Variants in ZNF208 observed in about 807,000 individuals in gnomAD.
ZNF208 encodes the protein zinc finger protein 95.
In ZNF208, 10 loss-of-function variants were observed where a neutral mutation model predicts 12.1. The ratio of observed to expected loss-of-function variants is 0.83; its 90% CI spans 0.51 to 1.40. The LOEUF is 1.40. ZNF208 is among the 40% of genes most tolerant of loss of function. The probability of loss-of-function intolerance (pLI) is 0.00; values close to 1 mark genes in which losing one functional copy is unlikely to be tolerated. For missense variants in ZNF208, 1,652 were observed against 1,485.0 expected (o/e 1.11, Z -1.85); for synonymous variants, 497 against 488.4 (o/e 1.02, Z -0.23).
chr19:21,988,406 C>T (rs1172673225), intron 2 of ZNF208, among the ~76,000 whole-genome samples: 1 of 152,120 alleles, frequency 6.6e-6, no homozygotes, highest in Non-Finnish European at 1.5e-5. Context: ...TGTGGGCAAA[C>T]TTGCTTCTGC....
chr19:21,983,437 AAT>A (rs1970580801), intron 3 of ZNF208, among the ~76,000 whole-genome samples: 2 of 152,162 alleles, frequency 1.3e-5, no homozygotes, highest in African/African-American at 4.8e-5. Flanking sequence ...TGTGGAAGAC[AAT>A]GTGGCGATTC....
At position 21,948,152 on chromosome 19, in the gene ZNF208, C is replaced by T. The variant is rs529313471; in HGVS notation, c.306-14915G>A. ...CCCTTTTTCTAGATAGGTAACAAAC[C>T]GTCTACAGTTTGCATTCCCCTCTAG... On this transcript the variant is annotated intron_variant, in intron 4 of 4. Coordinates refer to the ZNF208 transcript ENST00000599916. 2.0e-4 allele frequency among the ~76,000 whole-genome samples: 31 copies of T among 152,262 alleles called. No homozygotes were observed. In the South Asian group the frequency reaches 5.2e-3, roughly 25 times the overall value.
rs755136148 is a variant in ZNF208, at chr19:21,973,627, A to G, written c.1407T>C (p.Thr469=). 3.7e-6 allele frequency: 6 copies of G among 1,612,770 alleles called. No individual in the cohort carries two copies. The African/African-American group carries it at 8.0e-5, about 22-fold the overall frequency. The change falls in exon 4 of 4, where the codon ACT becomes ACC. Residue 469 remains threonine, a synonymous_variant. Transcript: ENST00000397126. ...CTCCATTATGAATTACCTTATGTTT[A>G]GTAAGGATTGAGAACATACTAAAGC... ...GKGFSMFSIL[T]KHKVIHNGEK...
intron 1 of ZNF208, among the ~76,000 whole-genome samples, chr19:21,990,798 G>A (rs1378465202): frequency 2.6e-5 from 4 of 152,078 alleles, no homozygotes; most frequent in Admixed American, 6.6e-5. Flanking sequence ...GTGGTTTGTA[G>A]TTCTCCTTGA....
Position 21,970,706 on chromosome 19 carries a change from C to A in ZNF208, c.*485G>T. ...TCTCATTTGTAGAGTTTCTCTCCAG[C>A]ATGAATTTTCTTATGTGTAGGAGGG... On this transcript the variant is annotated 3_prime_UTR_variant, in exon 4 of 4. Transcript: ENST00000397126. 1.2e-5 allele frequency: 14 copies of A among 1,134,020 alleles called. No homozygotes were observed. The highest frequency in any genetic ancestry group is 1.8e-5 in the Admixed American group (1 of 56,638). The allele number at this position is 1,134,020 out of a possible 1,614,324, so 70.2% of individuals were successfully genotyped here.
rs1970324211 is a variant in ZNF208 at position 21,972,682 on chromosome 19, T to C, written c.2352A>G (p.Lys784=). 4 of 1,590,504 alleles carry C rather than the reference T, an allele frequency of 2.5e-6. No homozygotes were observed. The African/African-American group carries it at 4.1e-5, about 16-fold the overall frequency. ...EKPYKCEECG[K]AFNRSAILIK... The stretch of plus-strand genomic sequence containing the variant: ...TAAGGATTGCAGATCGGTTAAAAGC[T>C]TTGCCACATTCTTCACATTTGTAGG... The change falls in exon 4 of 4, where the codon AAA becomes AAG. Residue 784 remains lysine, a synonymous_variant. Transcript: ENST00000397126.
intron 1 of ZNF208, among the ~76,000 whole-genome samples, chr19:21,991,948 A>T (rs190176267): frequency 1.9e-4 from 29 of 152,048 alleles, no homozygotes; most frequent in African/African-American, 7.0e-4. Flanking sequence ...TAATAAGCTC[A>T]TAAGTATGCC....
chr19:21,989,037 A>C (rs1362435305), intron 1 of ZNF208, 128 bp from the exon 2 acceptor site: 22 of 1,262,156 alleles, frequency 1.7e-5, no homozygotes, highest in Non-Finnish European at 2.3e-5. Context: ...TTATTCAATA[A>C]AATAATTTTT....
chr19:21,973,777 A>C lies in ZNF208; in HGVS notation c.1257T>G (p.His419Gln), dbSNP rs1220351602. 6.2e-7 allele frequency: 1 copy of C among 1,606,196 alleles called. No individual in the cohort carries two copies. Among genetic ancestry groups the C allele is most frequent in the Non-Finnish European group, 8.5e-7 (1 of 1,173,754 alleles). ...FSILTKHEVI[H>Q]TGEKPYKCEE... ...CACATTTGTAGGGTTTCTCTCCAGT[A>C]TGAATGACCTCATGTTTAGTAAGGA... Residue 419 changes from histidine to glutamine, a missense_variant, in exon 4 of 4, where the codon CAT (histidine) becomes CAG (glutamine). Physicochemically the swap from His to Gln is conservative, Grantham distance 24. Around this residue, in one of 3 missense-constraint regions of ZNF208, gnomAD observed 1,239 missense variants for 1,086.2 expected, o/e 1.14. Coordinates refer to ENST00000397126, the MANE Select transcript of ZNF208 (RefSeq NM_007153.3).
chr19:21,970,854 T>C lies in ZNF208; in HGVS notation c.*337A>G, dbSNP rs925539362. ...GAAGGCTTTGCCACTTTCTTCACATTTGTAGGGTTTCTCTCCAGTATGAAT... is the reference window on the plus strand; with the variant it reads ...GAAGGCTTTGCCACTTTCTTCACATCTGTAGGGTTTCTCTCCAGTATGAAT... On this transcript the variant is annotated 3_prime_UTR_variant, in exon 4 of 4. Transcript: ENST00000397126. 1 of 1,504,506 alleles carries C rather than the reference T, an allele frequency of 6.6e-7. No individual in the cohort carries two copies. Among genetic ancestry groups the C allele is most frequent in the Non-Finnish European group, 9.2e-7 (1 of 1,082,990 alleles). 93.2% of individuals were successfully genotyped at this position (1,504,506 alleles called of 1,614,324 possible). A position where few individuals can be genotyped will look rare whatever the true frequency, so the allele number is the denominator to read the frequency against.
intron 3 of ZNF208, 53 bp from the exon 4 acceptor site, chr19:21,974,860 A>G (rs1394571102): frequency 4.8e-6 from 7 of 1,457,040 alleles, no homozygotes; most frequent in African/African-American, 1.4e-5. Flanking sequence ...TCAGATAAAT[A>G]CAGTTTCTAA....
At chr19:21,977,883 C>T (rs566063662) in intron 3 of ZNF208, among the ~76,000 whole-genome samples, 4 of 152,158 alleles carry the variant, frequency 2.6e-5, no homozygotes, top group Admixed American at 1.3e-4. Context: ...CTGGGAAGCT[C>T]GAGCTTGGTG....
rs547803910 is a variant in ZNF208 at position 21,968,740 on chromosome 19, G to T, written c.*2451C>A. 6.8e-6 allele frequency among the ~76,000 whole-genome samples: 1 copy of T among 147,160 alleles called. No homozygotes were observed. Among genetic ancestry groups the T allele is most frequent in the African/African-American group, 2.6e-5 (1 of 39,104 alleles). On this transcript the variant is annotated 3_prime_UTR_variant, in exon 4 of 4. Transcript: ENST00000397126. ...GGTGAAATCCCACCTTGATTTTTTCGAATGCATTCAGTAGGCTTAGGTAAA... is the reference window on the plus strand; with the variant it reads ...GGTGAAATCCCACCTTGATTTTTTCTAATGCATTCAGTAGGCTTAGGTAAA...
Position 21,974,666 on chromosome 19 carries a change from C to A in ZNF208, c.368G>T (p.Cys123Phe), listed in dbSNP as rs146307303. The change falls in exon 4 of 4, where the codon TGT (cysteine) becomes TTT (phenylalanine). Residue 123 changes from cysteine (C) to phenylalanine (F), a missense_variant. Physicochemically the swap from Cys to Phe is radical, Grantham distance 205 (BLOSUM62 -2). Around this residue, in one of 3 missense-constraint regions of ZNF208, gnomAD observed 410 missense variants for 378.2 expected, o/e 1.08. Transcript: ENST00000397126. ...ATTATAACCTTCTTTGTGCACCTTACACTCATCCACATTGGTATAACCAAT... is the reference window on the plus strand; with the variant it reads ...ATTATAACCTTCTTTGTGCACCTTAAACTCATCCACATTGGTATAACCAAT... ...LKIGYTNVDE[C>F]KVHKEGYNKL... 2,251 of 1,613,714 alleles carry A rather than the reference C, an allele frequency of 1.4e-3. 22 individuals are homozygous for A. In the African/African-American group the frequency reaches 0.026, roughly 19 times the overall value.
At chr19:21,979,568 C>G (rs1349152775) in intron 3 of ZNF208, among the ~76,000 whole-genome samples, 2 of 152,260 alleles carry the variant, frequency 1.3e-5, no homozygotes, top group Middle Eastern at 3.4e-3. Context: ...TACAAGAGCT[C>G]CTGAAGGAAG....
At chr19:21,956,086 G>A (rs1394324230) in intron 4 of ZNF208, among the ~76,000 whole-genome samples, 1 of 152,190 alleles carries the variant, frequency 6.6e-6, no homozygotes, top group Non-Finnish European at 1.5e-5. Flanking sequence ...GTCTATTGTA[G>A]TTTGCTGGAG....
chr19:21,957,691 T>C (rs1333808371), intron 4 of ZNF208, among the ~76,000 whole-genome samples: 1 of 152,150 alleles, frequency 6.6e-6, no homozygotes, highest in Admixed American at 6.6e-5. Context: ...CAGATTTCCA[T>C]CAAAGCCTAT....
chr19:22,007,009 T>C (rs1405676086), intron 1 of ZNF208, among the ~76,000 whole-genome samples: 4 of 152,140 alleles, frequency 2.6e-5, no homozygotes, highest in Non-Finnish European at 5.9e-5. Context: ...AAACAGGATA[T>C]AGAACAAAGA....
chr19:21,943,937 A>G (rs1212541386), intron 4 of ZNF208, among the ~76,000 whole-genome samples: 1 of 152,242 alleles, frequency 6.6e-6, no homozygotes, highest in African/African-American at 2.4e-5. Flanking sequence ...ATCTTGTTAC[A>G]GTAGCAGTAC....
Sources: gnomAD v4.1 joint callset for allele counts (sites outside exome capture counted in the v4.1 genomes callset) on GRCh38, gnomAD v4.1.1 for gene constraint, gnomAD v4.1.1 regional missense constraint, MANE v1.5 for transcripts, NCBI Gene and HGNC (gene_info 2026-07-23, HGNC 2026-07-21) for gene names.